The following FER variants were observed in gnomAD, a reference collection of about 807,000 sequenced individuals.
FER encodes tyrosine-protein kinase Fer.
In FER, 63 loss-of-function variants were observed where a neutral mutation model predicts 111.0. The observed-to-expected ratio is 0.57, with a 90% CI of 0.46 to 0.70. The LOEUF is 0.70. FER is among the 30% of genes least tolerant of loss of function. FER has a pLI of 0.00. For synonymous variants in FER, 327 were observed against 313.9 expected (o/e 1.04, Z -0.44); for missense variants, 914 against 954.0 (o/e 0.96, Z 0.55).
At position 109,021,640 on chromosome 5, in the gene FER, G is replaced by A. The variant is rs76660716; in HGVS notation, c.1657-15782G>A. Among the ~76,000 whole-genome samples the A allele has an allele frequency of 2.7e-3, 417 of 152,086 alleles. 4 individuals carry two copies. The highest frequency in any genetic ancestry group is 8.2e-3 in the African/African-American group (342 of 41,504). ...CTTAGTACTTTATAACATTACTGAA[G>A]CTTTAGGATAAACAACATATATCCC... On this transcript the variant is annotated intron_variant, in intron 13 of 19. Coordinates refer to ENST00000281092, the MANE Select transcript of FER (RefSeq NM_005246.4).
intron 13 of FER, among the ~76,000 whole-genome samples, chr5:109,011,493 TTTG>T (rs1255278786): frequency 6.6e-6 from 1 of 152,202 alleles, no homozygotes; most frequent in African/African-American, 2.4e-5. Flanking sequence ...AAATTATCCC[TTTG>T]TTGTTATTAG....
At chr5:109,112,268 G>T (rs759932669) in intron 17 of FER, among the ~76,000 whole-genome samples, 31 of 151,408 alleles carry the variant, frequency 2.0e-4, no homozygotes, top group Non-Finnish European at 3.5e-4. Context: ...TAGATACCAA[G>T]GTATATTAGA....
chr5:108,770,708 A>G (rs1007631048), intron 2 of FER, among the ~76,000 whole-genome samples: 3 of 152,088 alleles, frequency 2.0e-5, no homozygotes, highest in Admixed American at 6.5e-5. Context: ...TCACCCTTAG[A>G]TGTATGTCAT....
In FER at chr5:108,946,353, C is replaced by G. The variant is rs151338097; in HGVS notation, c.1329+131C>G. The G allele has an allele frequency of 2.2e-3, 1,183 of 545,730 alleles. 10 individuals carry two copies. Among genetic ancestry groups the G allele is most frequent in the African/African-American group, 0.021 (1,063 of 51,512 alleles). 33.8% of individuals were successfully genotyped at this position (545,730 alleles called of 1,614,324 possible). ...ATATACATATATAAATTTGCACTTA[C>G]AAATGGAAAGATAAGTGCATAATTT... is the stretch of plus-strand genomic sequence containing the variant. On this transcript the variant is annotated intron_variant, in intron 11 of 19. Coordinates refer to ENST00000281092, the MANE Select transcript of FER (RefSeq NM_005246.4).
At chr5:108,879,702 ATATATATATAT>A (rs1765482732) in intron 8 of FER, among the ~76,000 whole-genome samples, 3 of 91,008 alleles carry the variant, frequency 3.3e-5, no homozygotes, top group African/African-American at 2.3e-4. Flanking sequence ...TTAAAAAAAA[ATATATATATAT>A]ATATATATAT....
At chr5:109,134,335 A>G (rs1296203532) in intron 17 of FER, among the ~76,000 whole-genome samples, 1 of 152,206 alleles carries the variant, frequency 6.6e-6, no homozygotes, top group Non-Finnish European at 1.5e-5. Context: ...TAAAGTTTCA[A>G]ATTTTAAAGA....
At chr5:108,783,315 A>G (rs908149537) in intron 2 of FER, among the ~76,000 whole-genome samples, 10 of 152,030 alleles carry the variant, frequency 6.6e-5, no homozygotes, top group African/African-American at 2.4e-4. Flanking sequence ...TATTTTTATA[A>G]CTTTTATTTC....
chr5:109,183,698 T>C (rs1758543421), intron 18 of FER, among the ~76,000 whole-genome samples: 1 of 152,104 alleles, frequency 6.6e-6, no homozygotes, highest in African/African-American at 2.4e-5. Flanking sequence ...TGAAACTGTC[T>C]TAGGGCCACA....
chr5:108,792,068 T>C (rs1417190878), intron 2 of FER, among the ~76,000 whole-genome samples: 4 of 152,356 alleles, frequency 2.6e-5, no homozygotes, highest in African/African-American at 9.6e-5. Flanking sequence ...ATTACCATAG[T>C]GTGTTGATCA....
At chr5:108,752,669 C>A (rs1369879702) in intron 1 of FER, among the ~76,000 whole-genome samples, 1 of 151,936 alleles carries the variant, frequency 6.6e-6, no homozygotes, top group Non-Finnish European at 1.5e-5. Flanking sequence ...CTTTGGAATT[C>A]AAAGTATCTA....
chr5:108,985,825 T>A (rs1351627413), intron 13 of FER, among the ~76,000 whole-genome samples: 1 of 152,230 alleles, frequency 6.6e-6, no homozygotes, highest in East Asian at 1.9e-4. Context: ...AATTTCTTTA[T>A]CCACTCATTG....
chr5:108,913,134 G>A (rs953907276), intron 10 of FER, among the ~76,000 whole-genome samples: 1 of 152,004 alleles, frequency 6.6e-6, no homozygotes, highest in African/African-American at 2.4e-5. Context: ...ATCCACAAAT[G>A]GTTTCATTTA....
chr5:108,894,406 C>A (rs1003275852), intron 9 of FER: 2 of 790,560 alleles, frequency 2.5e-6, no homozygotes, highest in Non-Finnish European at 3.6e-6. Flanking sequence ...TTGTGGACCT[C>A]GTCTGCTGGC....
intron 17 of FER, among the ~76,000 whole-genome samples, chr5:109,163,466 GT>G (rs1756215304): frequency 6.6e-6 from 1 of 152,068 alleles, no homozygotes; most frequent in African/African-American, 2.4e-5. Context: ...CTACAAAACT[GT>G]TTTCCAAAGT....
Position 108,845,008 on chromosome 5 carries a change from A to ATG in FER, c.481+9202_481+9203insGT, listed in dbSNP as rs1761775657. On this transcript the variant is annotated intron_variant, in intron 5 of 19. Coordinates refer to ENST00000281092, the MANE Select transcript of FER (RefSeq NM_005246.4). ...GGTGTGTGTGTGTGTATATATATAT[A>ATG]TATATATATATATATATATATATAT... Among the ~76,000 whole-genome samples the ATG allele has an allele frequency of 2.0e-4, 5 of 24,724 alleles. 1 individual carries two copies. The South Asian group carries it at 5.5e-3, about 27-fold the overall frequency. The allele number at this position is 24,724 out of a possible 152,430, so 16.2% of individuals were successfully genotyped here. A position where few individuals can be genotyped will look rare whatever the true frequency, so the allele number is the denominator to read the frequency against.
intron 3 of FER, among the ~76,000 whole-genome samples, chr5:108,828,066 T>G (rs1337687087): frequency 6.6e-6 from 1 of 152,072 alleles, no homozygotes; most frequent in Non-Finnish European, 1.5e-5. Flanking sequence ...GACACTGTCT[T>G]GCTACATTGC....
intron 17 of FER, among the ~76,000 whole-genome samples, chr5:109,109,801 G>A (rs975877079): frequency 6.6e-6 from 1 of 152,098 alleles, no homozygotes; most frequent in Non-Finnish European, 1.5e-5. Context: ...ACCTTACCAT[G>A]GTCCCCAGAG....
At chr5:109,084,324 G>T (rs1284355255) in intron 16 of FER, among the ~76,000 whole-genome samples, 1 of 151,646 alleles carries the variant, frequency 6.6e-6, no homozygotes, top group Admixed American at 6.6e-5. Context: ...TTATTGTGTT[G>T]CTTACCTATT....
chr5:109,055,134 C>G (rs1251330957), intron 16 of FER, among the ~76,000 whole-genome samples: 3 of 152,042 alleles, frequency 2.0e-5, no homozygotes, highest in Non-Finnish European at 2.9e-5. Context: ...GAAATGGGAC[C>G]CTTATTTATA....
Sources: allele counts gnomAD v4.1 joint callset (sites outside exome capture counted in the v4.1 genomes callset), GRCh38; gene constraint gnomAD v4.1.1; transcripts MANE v1.5; gene names NCBI Gene and HGNC (gene_info 2026-07-23, HGNC 2026-07-21).